BMAL1: variants seen among roughly 807,000 people sequenced by gnomAD.
BMAL1 encodes basic helix-loop-helix ARNT like 1.
chr11:13,340,098 T>A, the BMAL1 span, among the ~76,000 whole-genome samples: 3 of 152,232 alleles, frequency 2.0e-5, no homozygotes, highest in African/African-American at 7.2e-5. Flanking sequence ...ACCAATTCTT[T>A]CACTGAAGAA....
the BMAL1 span, among the ~76,000 whole-genome samples, chr11:13,362,370 T>A: frequency 3.3e-5 from 5 of 152,216 alleles, no homozygotes; most frequent in Admixed American, 6.5e-5. Context: ...AAGATAGGAC[T>A]TCTCTTTCAT....
chr11:13,351,611 G>A, the BMAL1 span, among the ~76,000 whole-genome samples: 1 of 152,202 alleles, frequency 6.6e-6, no homozygotes, highest in Non-Finnish European at 1.5e-5. Context: ...ACATCCATGG[G>A]ACCCTCCCTT....
At chr11:13,284,940 C>T in the BMAL1 span, among the ~76,000 whole-genome samples, 3 of 152,252 alleles carry the variant, frequency 2.0e-5, no homozygotes, top group East Asian at 1.9e-4. Context: ...GCCCTGTGCC[C>T]GAGGTTCAGT....
chr11:13,353,285 G>A, the BMAL1 span: 1 of 156,788 alleles, frequency 6.4e-6, no homozygotes, highest in Non-Finnish European at 1.5e-5. Context: ...TGGCTGGTTA[G>A]GCAGGTGTCC....
the BMAL1 span, among the ~76,000 whole-genome samples, chr11:13,297,493 G>A: frequency 2.0e-5 from 3 of 152,240 alleles, no homozygotes; most frequent in African/African-American, 7.2e-5. Flanking sequence ...GATGGGTTAG[G>A]AGGCAGTTGC....
chr11:13,324,316 C>A, the BMAL1 span, among the ~76,000 whole-genome samples: 1 of 152,234 alleles, frequency 6.6e-6, no homozygotes, highest in African/African-American at 2.4e-5. Flanking sequence ...CCAGCCCCTC[C>A]TGCTCATCTT....
the BMAL1 span, among the ~76,000 whole-genome samples, chr11:13,362,856 T>C: frequency 1.7e-3 from 260 of 152,190 alleles, no homozygotes; most frequent in African/African-American, 5.9e-3. Context: ...GAAAACGTAA[T>C]TTTTGAACAA....
At chr11:13,356,724 CTTTTG>C in the BMAL1 span, 1 of 1,613,930 alleles carries the variant, frequency 6.2e-7, no homozygotes, top group African/African-American at 1.3e-5. Context: ...GTCACATTCT[CTTTTG>C]TTTTTTCAGA....
the BMAL1 span, chr11:13,277,526 C>G: frequency 1.3e-5 from 2 of 152,314 alleles, no homozygotes; most frequent in South Asian, 2.1e-4. Flanking sequence ...GGTAAACCGG[C>G]TCCCGCCGCC....
At chr11:13,305,631 T>C in the BMAL1 span, among the ~76,000 whole-genome samples, 2 of 152,226 alleles carry the variant, frequency 1.3e-5, no homozygotes, top group African/African-American at 4.8e-5. Context: ...GGACTTCTAG[T>C]CCTATGTTGA....
chr11:13,315,792 G>T, the BMAL1 span, among the ~76,000 whole-genome samples: 1 of 152,206 alleles, frequency 6.6e-6, no homozygotes, highest in African/African-American at 2.4e-5. Context: ...GCGCAGCCTG[G>T]AGTTGACCGA....
chr11:13,284,266 ATTTTTTT>A, the BMAL1 span, among the ~76,000 whole-genome samples: 1 of 44,882 alleles, frequency 2.2e-5, no homozygotes, highest in African/African-American at 8.1e-5. Context: ...ATATATATAT[ATTTTTTT>A]TTTTAATGCC....
the BMAL1 span, chr11:13,374,000 T>A: frequency 3.6e-5 from 39 of 1,082,694 alleles, no homozygotes; most frequent in East Asian, 9.3e-4. Flanking sequence ...TTGACCTTGC[T>A]CTCATAGGCT....
At chr11:13,303,483 T>C in the BMAL1 span, among the ~76,000 whole-genome samples, 8 of 152,164 alleles carry the variant, frequency 5.3e-5, no homozygotes, top group Non-Finnish European at 8.8e-5. Flanking sequence ...GAAGGCCTCA[T>C]TGAGAGTACA....
At chr11:13,325,328 T>C in the BMAL1 span, among the ~76,000 whole-genome samples, 1 of 152,246 alleles carries the variant, frequency 6.6e-6, no homozygotes, top group Non-Finnish European at 1.5e-5. Flanking sequence ...TTCATGCAGA[T>C]GGATCCATTG....
At chr11:13,295,692 A>G in the BMAL1 span, among the ~76,000 whole-genome samples, 2 of 152,348 alleles carry the variant, frequency 1.3e-5, no homozygotes, top group Admixed American at 1.3e-4. Flanking sequence ...GTGAATAGCC[A>G]TGTTTTTTAA....
the BMAL1 span, chr11:13,385,663 T>G: frequency 2.2e-5 from 34 of 1,565,766 alleles, no homozygotes; most frequent in Non-Finnish European, 2.8e-5. Flanking sequence ...GATTCAAACT[T>G]CACACTTCCC....
the BMAL1 span, among the ~76,000 whole-genome samples, chr11:13,320,727 T>C: frequency 6.6e-6 from 1 of 152,218 alleles, no homozygotes; most frequent in Non-Finnish European, 1.5e-5. Context: ...TGGCTGAGGA[T>C]CCTGGAGTAA....
chr11:13,368,475 G>A, the BMAL1 span, among the ~76,000 whole-genome samples: 72 of 152,324 alleles, frequency 4.7e-4, no homozygotes, highest in African/African-American at 1.5e-3. Flanking sequence ...TGTTCTGTGG[G>A]GACACAGTGA....
Sources: gnomAD v4.1 joint callset for allele counts (sites outside exome capture counted in the v4.1 genomes callset) on GRCh38, gnomAD v4.1.1 for gene constraint, MANE v1.5 for transcripts, NCBI Gene and HGNC (gene_info 2026-07-23, HGNC 2026-07-21) for gene names.